The following ID2 variants were observed in gnomAD, a reference collection of about 807,000 sequenced individuals.
ID2 encodes DNA-binding protein inhibitor ID-2.
In ID2, 2 loss-of-function variants were observed where a neutral mutation model predicts 8.3. The ratio of observed to expected loss-of-function variants is 0.24; its 90% confidence interval spans 0.10 to 0.76. The LOEUF (loss-of-function observed/expected upper bound fraction) is 0.76. Ranked by LOEUF, ID2 falls within the 30% of genes least tolerant of loss-of-function variation. ID2 has a pLI of 0.73. For synonymous variants in ID2, 112 were observed against 72.3 expected (o/e 1.55, Z -2.79); for missense variants, 155 against 167.0 (o/e 0.93, Z 0.40).
Position 8,682,078 on chromosome 2 carries a change from A to G in ID2, c.-88A>G, listed in dbSNP as rs933590888. 14 of 1,080,300 alleles carry G rather than the reference A, an allele frequency of 1.3e-5. No homozygotes were observed. The African/African-American group carries it at 1.9e-4, about 15-fold the overall frequency. 66.9% of individuals were successfully genotyped at this position (1,080,300 alleles called of 1,614,324 possible). A position where few individuals can be genotyped will look rare whatever the true frequency, so the allele number is the denominator to read the frequency against. ...TTCATTCTGAGCCGAGCCCGGTGCC[A>G]AGCGCAGCTAGCTCAGCAGGCGGCA... On this transcript the variant is annotated 5_prime_UTR_variant, in exon 1 of 3. Transcript: ENST00000396290.
At position 8,684,238 on chromosome 2, in the gene ID2, T is replaced by C. The variant is rs184949920; in HGVS notation, c.*561T>C. On this transcript the variant is annotated 3_prime_UTR_variant, in exon 3 of 3. Transcript: ENST00000396290. ...TGCATTCAAAAGTGTAATGATGTACTTATTCATGCTAAACTTTTTATAAAA... is the reference window on the plus strand; with the variant it reads ...TGCATTCAAAAGTGTAATGATGTACCTATTCATGCTAAACTTTTTATAAAA... 1.3e-5 allele frequency: 2 copies of C among 152,592 alleles called. No individual in the cohort carries two copies. Among genetic ancestry groups the C allele is most frequent in the African/African-American group, 4.8e-5 (2 of 41,556 alleles). 9.5% of individuals were successfully genotyped at this position (152,592 alleles called of 1,614,324 possible).
At position 8,682,399 on chromosome 2, in the gene ID2, C is replaced by G; in HGVS notation, c.234C>G (p.Ala78=). 6.2e-7 allele frequency: 1 copy of G among 1,613,918 alleles called. No individual in the cohort carries two copies. The highest frequency in any genetic ancestry group is 2.2e-5 in the East Asian group (1 of 44,884). Reference sequence around the variant, plus strand: ...ACTACATCTTGGACCTGCAGATCGCCCTGGACTCGCATCCCACTATTGTCA... The same window carrying G: ...ACTACATCTTGGACCTGCAGATCGCGCTGGACTCGCATCCCACTATTGTCA... ...VIDYILDLQI[A]LDSHPTIVSL... is the part of the protein sequence containing the mutation. Residue 78 remains alanine (A), a synonymous_variant, in exon 1 of 3, where the codon GCC becomes GCG. Coordinates refer to ENST00000396290, the MANE Select transcript of ID2 (RefSeq NM_002166.5).
At chr2:8,682,985 G>GT (rs1662130597) in intron 2 of ID2, 79 bp downstream of exon 2, 1 of 1,054,140 alleles carries the variant, frequency 9.5e-7, no homozygotes, top group Non-Finnish European at 1.5e-6. Context: ...TTTTGCTTGT[G>GT]TATCTATAAA....
intron 2 of ID2, 41 bp downstream of exon 2, chr2:8,682,947 C>T (rs527701869): frequency 3.4e-6 from 5 of 1,491,350 alleles, no homozygotes; most frequent in African/African-American, 2.8e-5. Flanking sequence ...AACTGCCCCT[C>T]GGTGTGTGTG....
chr2:8,682,956 T>C lies in ID2; in HGVS notation c.*7+50T>C, dbSNP rs200036190. 7.5e-4 allele frequency: 1,038 copies of C among 1,381,828 alleles called. 10 individuals are homozygous for C. In the East Asian group the frequency reaches 0.015, roughly 20 times the overall value. 85.6% of individuals were successfully genotyped at this position (1,381,828 alleles called of 1,614,324 possible). ...TGGGTAAACTGCCCCTCGGTGTGTG[T>C]GCGCGCGCGCGCATGTGTTTTTGCT... On this transcript the variant is annotated intron_variant, in intron 2 of 2. Transcript: ENST00000396290.
chr2:8,682,280 A>G lies in ID2; in HGVS notation c.115A>G (p.Met39Val). 6.2e-7 allele frequency: 1 copy of G among 1,614,120 alleles called. No individual in the cohort carries two copies. The highest frequency in any genetic ancestry group is 8.5e-7 in the Non-Finnish European group (1 of 1,180,000). Residue 39 changes from methionine (M) to valine (V), a missense_variant, in exon 1 of 3, where the codon ATG becomes GTG. By Grantham distance (21) the Met-to-Val change is conservative (BLOSUM62 1). Transcript: ENST00000396290. ...CGACCCGATGAGCCTGCTATACAAC[A>G]TGAACGACTGCTACTCCAAGCTCAA... is the stretch of plus-strand genomic sequence containing the variant. ...VDDPMSLLYN[M>V]NDCYSKLKEL...
chr2:8,682,761 A>AC (rs1662118455), intron 1 of ID2, 82 bp from the exon 2 acceptor site: 36 of 1,051,908 alleles, frequency 3.4e-5, no homozygotes, highest in South Asian at 2.5e-4. Flanking sequence ...TCTGTGGACT[A>AC]CAAAAAAAAA....
At chr2:8,682,672 C>T (rs180870732) in intron 1 of ID2, 159 bp downstream of exon 1, 2 of 710,388 alleles carry the variant, frequency 2.8e-6, no homozygotes, top group East Asian at 2.6e-5. Flanking sequence ...CGTGAAATTG[C>T]TAGTAAGTTC....
chr2:8,682,633 C>T (rs569152168), intron 1 of ID2, 120 bp downstream of exon 1: 66 of 762,638 alleles, frequency 8.7e-5, no homozygotes, highest in Middle Eastern at 4.8e-4. Context: ...ACTTTATTTT[C>T]TTCAGAATCT....
In ID2 at chr2:8,682,178, A is replaced by G; in HGVS notation, c.13A>G (p.Ser5Gly). 5 of 1,613,414 alleles carry G rather than the reference A, an allele frequency of 3.1e-6. No homozygotes were observed. Among genetic ancestry groups the G allele is most frequent in the Non-Finnish European group, 4.2e-6 (5 of 1,179,886 alleles). Residue 5 changes from serine to glycine, a missense_variant, in exon 1 of 3, where the codon AGT becomes GGT. This residue lies in a region of ID2 where 73 missense variants were observed against 72.2 expected (regional missense o/e 1.01). Coordinates refer to ENST00000396290, the MANE Select transcript of ID2 (RefSeq NM_002166.5). Reference protein sequence around the residue: MKAFSPVRSVRKNSL... With the variant: MKAFGPVRSVRKNSL... Reference sequence around the variant, plus strand: ...CCTCGCGGTCAGCATGAAAGCCTTCAGTCCCGTGAGGTCCGTTAGGAAAAA... The same window carrying G: ...CCTCGCGGTCAGCATGAAAGCCTTCGGTCCCGTGAGGTCCGTTAGGAAAAA...
At chr2:8,682,804 T>G in intron 1 of ID2, 39 bp from the exon 2 acceptor site, 1 of 1,369,966 alleles carries the variant, frequency 7.3e-7, no homozygotes, top group Non-Finnish European at 1.0e-6. Context: ...CTACTTAACA[T>G]TGTCTTAACC....
At chr2:8,683,344 A>AG (rs1447986937) in intron 2 of ID2, among the ~76,000 whole-genome samples, 1 of 152,124 alleles carries the variant, frequency 6.6e-6, no homozygotes, top group Non-Finnish European at 1.5e-5. Context: ...TGTGCCTTCA[A>AG]CCCTGTGATG....
At position 8,684,457 on chromosome 2, in the gene ID2, C is replaced by T. The variant is rs1054240102; in HGVS notation, c.*780C>T. ...AATAAAACATGTCTGAAGTCAATAC[C>T]TGAATTCCGAGTGGTTTTTAAGATC... On this transcript the variant is annotated 3_prime_UTR_variant, in exon 3 of 3. Coordinates refer to ENST00000396290, the MANE Select transcript of ID2 (RefSeq NM_002166.5). 6.6e-6 allele frequency: 1 copy of T among 151,022 alleles called. No individual in the cohort carries two copies. 9.4% of individuals were successfully genotyped at this position (151,022 alleles called of 1,614,324 possible).
At position 8,682,366 on chromosome 2, in the gene ID2, C is replaced by T. The variant is rs777618124; in HGVS notation, c.201C>T (p.His67=). The T allele has an allele frequency of 9.3e-6, 15 of 1,613,892 alleles. No homozygotes were observed. The highest frequency in any genetic ancestry group is 1.3e-5 in the African/African-American group (1 of 74,944). ...TGAGCAAGATGGAAATCCTGCAGCA[C>T]GTCATCGACTACATCTTGGACCTGC... ...KKVSKMEILQ[H]VIDYILDLQI... The change falls in exon 1 of 3, where the codon CAC becomes CAT. Residue 67 remains histidine (H), a synonymous_variant. Coordinates refer to ENST00000396290, the MANE Select transcript of ID2 (RefSeq NM_002166.5).
chr2:8,682,699 C>T (rs1288580825), intron 1 of ID2, 144 bp from the exon 2 acceptor site: 3 of 737,500 alleles, frequency 4.1e-6, no homozygotes, highest in African/African-American at 1.8e-5. Flanking sequence ...GTTAATGCGT[C>T]TGTCTTTAAA....
chr2:8,682,985 G>A (rs374163542), intron 2 of ID2, 79 bp downstream of exon 2: 2 of 1,054,140 alleles, frequency 1.9e-6, no homozygotes, highest in South Asian at 1.3e-5. Context: ...TTTTGCTTGT[G>A]TATCTATAAA....
chr2:8,682,578 T>C (rs1173967399), intron 1 of ID2, 65 bp downstream of exon 1: 16 of 1,199,776 alleles, frequency 1.3e-5, no homozygotes, highest in Non-Finnish European at 1.9e-5. Flanking sequence ...GGGCTGTCAC[T>C]AGGAGATCCG....
At position 8,682,070 on chromosome 2, in the gene ID2, C is replaced by T. The variant is rs1361819320; in HGVS notation, c.-96C>T. ...GCTCGGGCTTCATTCTGAGCCGAGC[C>T]CGGTGCCAAGCGCAGCTAGCTCAGC... On this transcript the variant is annotated 5_prime_UTR_variant, in exon 1 of 3. Transcript: ENST00000396290. The T allele has an allele frequency of 6.2e-6, 6 of 968,996 alleles. No homozygotes were observed. Among genetic ancestry groups the T allele is most frequent in the Non-Finnish European group, 9.4e-6 (6 of 641,708 alleles). 60.0% of individuals were successfully genotyped at this position (968,996 alleles called of 1,614,324 possible). A position where few individuals can be genotyped will look rare whatever the true frequency, so the allele number is the denominator to read the frequency against.
rs1190144469 is a variant in ID2, at chr2:8,684,451, C to T, written c.*774C>T. On this transcript the variant is annotated 3_prime_UTR_variant, in exon 3 of 3. Transcript: ENST00000396290. The stretch of plus-strand genomic sequence containing the variant: ...GATTATAATAAAACATGTCTGAAGT[C>T]AATACCTGAATTCCGAGTGGTTTTT... The T allele has an allele frequency of 6.7e-6, 1 of 150,110 alleles. No individual in the cohort carries two copies. Among genetic ancestry groups the T allele is most frequent in the African/African-American group, 2.5e-5 (1 of 40,584 alleles). The allele number at this position is 150,110 out of a possible 1,614,324, so 9.3% of individuals were successfully genotyped here. A position where few individuals can be genotyped will look rare whatever the true frequency, so the allele number is the denominator to read the frequency against.
Sources: gnomAD v4.1 joint callset for allele counts (sites outside exome capture counted in the v4.1 genomes callset) on GRCh38, gnomAD v4.1.1 for gene constraint, gnomAD v4.1.1 regional missense constraint, MANE v1.5 for transcripts, NCBI Gene and HGNC (gene_info 2026-07-23, HGNC 2026-07-21) for gene names.